Variants in RBMS3 observed in about 807,000 individuals in gnomAD.
The protein encoded by RBMS3 is RNA binding motif single stranded interacting protein 3, also known as RNA-binding motif, single-stranded-interacting protein 3.
Under a neutral mutation model 66.8 loss-of-function variants are expected in RBMS3, and 27 were observed. That is an observed-to-expected ratio of 0.40 (90% CI 0.30 to 0.56). The LOEUF (loss-of-function observed/expected upper bound fraction) is 0.56, where lower values mean the gene tolerates loss of function less well. Among genes scored for constraint, RBMS3 ranks in the 20% least tolerant of loss-of-function variants. The pLI, the probability that RBMS3 is intolerant of heterozygous loss-of-function variation, is 0.40. For synonymous variants in RBMS3, 188 were observed against 183.0 expected, an observed-to-expected ratio of 1.03 and a Z score of -0.22; for missense variants, 513 against 549.5, an observed-to-expected ratio of 0.93 and a Z score of 0.66.
intron 1 of RBMS3, among the ~76,000 whole-genome samples, chr3:29,371,817 A>G (rs1013852725): frequency 6.6e-6 from 1 of 152,224 alleles, no homozygotes; most frequent in Non-Finnish European, 1.5e-5. Flanking sequence ...TGACTAACCC[A>G]GAGCTTAAAG....
intron 4 of RBMS3, among the ~76,000 whole-genome samples, chr3:29,597,239 G>C (rs2034910): frequency 0.15 from 22,758 of 151,900 alleles, 1,960 homozygotes; most frequent in East Asian, 0.32. Context: ...TTTTTCCATG[G>C]AATAACACAA....
chr3:29,742,027 CG>C (rs2054671233), intron 5 of RBMS3, among the ~76,000 whole-genome samples: 1 of 152,070 alleles, frequency 6.6e-6, no homozygotes, highest in Admixed American at 6.6e-5. Flanking sequence ...TGAGTTTTGT[CG>C]GGTACACAAT....
chr3:29,677,618 T>A (rs1214995883), intron 4 of RBMS3, among the ~76,000 whole-genome samples: 1 of 152,196 alleles, frequency 6.6e-6, no homozygotes, highest in African/African-American at 2.4e-5. Context: ...TTGACATATA[T>A]ACTTCAACAT....
intron 2 of RBMS3, among the ~76,000 whole-genome samples, chr3:29,477,870 A>T (rs1207811143): frequency 6.6e-6 from 1 of 152,004 alleles, no homozygotes; most frequent in Non-Finnish European, 1.5e-5. Flanking sequence ...GGCTCAAGTG[A>T]TCCTCCCACC....
At chr3:29,892,513 A>T (rs1455962388) in intron 8 of RBMS3, among the ~76,000 whole-genome samples, 1 of 151,426 alleles carries the variant, frequency 6.6e-6, no homozygotes, top group East Asian at 2.0e-4. Flanking sequence ...ACATTGCCAA[A>T]TGTCTGCTGG....
chr3:29,758,232 A>G (rs2055512653), intron 5 of RBMS3, among the ~76,000 whole-genome samples: 1 of 152,210 alleles, frequency 6.6e-6, no homozygotes, highest in South Asian at 2.1e-4. Flanking sequence ...ATCAGTCAGT[A>G]GAGAAAATCA....
intron 1 of RBMS3, among the ~76,000 whole-genome samples, chr3:29,331,079 C>T (rs2035623412): frequency 6.6e-6 from 1 of 152,124 alleles, no homozygotes; most frequent in Non-Finnish European, 1.5e-5. Context: ...GTGCAGTCCA[C>T]AAATTTTCCC....
chr3:29,793,797 T>C (rs753408613), intron 6 of RBMS3, among the ~76,000 whole-genome samples: 2 of 152,258 alleles, frequency 1.3e-5, no homozygotes, highest in Non-Finnish European at 2.9e-5. Context: ...CCGTTTGATA[T>C]AGTTTGGATA....
chr3:29,298,058 C>A (rs1392960250), intron 1 of RBMS3, among the ~76,000 whole-genome samples: 2 of 151,830 alleles, frequency 1.3e-5, no homozygotes, highest in Non-Finnish European at 2.9e-5. Flanking sequence ...AATCTTCCTC[C>A]AATTACCATG....
chr3:29,661,394 A>G (rs2050541547), intron 4 of RBMS3, among the ~76,000 whole-genome samples: 1 of 152,176 alleles, frequency 6.6e-6, no homozygotes, highest in Admixed American at 6.5e-5. Flanking sequence ...TAAAGAAAAG[A>G]CTAGAGATTT....
intron 4 of RBMS3, among the ~76,000 whole-genome samples, chr3:29,673,142 T>G (rs74626261): frequency 1.3e-5 from 2 of 151,926 alleles, no homozygotes; most frequent in Non-Finnish European, 2.9e-5. Flanking sequence ...TGTTCCTGAA[T>G]GACTACTGGG....
chr3:29,866,991 A>G (rs764227529), intron 6 of RBMS3, among the ~76,000 whole-genome samples: 6 of 152,154 alleles, frequency 3.9e-5, no homozygotes, highest in Non-Finnish European at 8.8e-5. Flanking sequence ...CTCTTGGTCA[A>G]TGGTGACCCC....
intron 6 of RBMS3, among the ~76,000 whole-genome samples, chr3:29,811,158 A>AT (rs1268077319): frequency 5.3e-5 from 8 of 152,156 alleles, no homozygotes; most frequent in Admixed American, 3.3e-4. Context: ...ACATGAGGGC[A>AT]TTTTTTTCTC....
At chr3:29,693,817 C>G (rs1306551204) in intron 4 of RBMS3, among the ~76,000 whole-genome samples, 1 of 152,086 alleles carries the variant, frequency 6.6e-6, no homozygotes, top group Non-Finnish European at 1.5e-5. Context: ...TAAGACAAAA[C>G]TTTGAATTCT....
chr3:29,840,670 C>G (rs777677344), intron 6 of RBMS3, among the ~76,000 whole-genome samples: 3 of 152,018 alleles, frequency 2.0e-5, no homozygotes, highest in Non-Finnish European at 4.4e-5. Context: ...ACTTTGAGAA[C>G]TGCTGGCATA....
At chr3:29,343,296 CA>C (rs1378119767) in intron 1 of RBMS3, among the ~76,000 whole-genome samples, 1 of 151,790 alleles carries the variant, frequency 6.6e-6, no homozygotes, top group Non-Finnish European at 1.5e-5. Context: ...AAGATATAGC[CA>C]GTTACCTAAG....
intron 4 of RBMS3, among the ~76,000 whole-genome samples, chr3:29,636,279 G>A (rs1188429437): frequency 4.6e-5 from 7 of 151,808 alleles, no homozygotes; most frequent in South Asian, 2.1e-4. Context: ...CAGTGTGGCC[G>A]TGTAAGACAG....
At chr3:29,761,636 T>C (rs1262308835) in intron 5 of RBMS3, among the ~76,000 whole-genome samples, 1 of 152,182 alleles carries the variant, frequency 6.6e-6, no homozygotes. Flanking sequence ...TTACTTGACA[T>C]TTGTTAGCAT....
At chr3:29,675,361 C>T (rs573083352) in intron 4 of RBMS3, among the ~76,000 whole-genome samples, 1 of 152,076 alleles carries the variant, frequency 6.6e-6, no homozygotes, top group African/African-American at 2.4e-5. Flanking sequence ...AGGACATAGG[C>T]ATGGGCAAGG....
Sources: gnomAD v4.1 joint callset for allele counts (sites outside exome capture counted in the v4.1 genomes callset) on GRCh38, gnomAD v4.1.1 for gene constraint, MANE v1.5 for transcripts, NCBI Gene and HGNC (gene_info 2026-07-23, HGNC 2026-07-21) for gene names.